Variants in SRPK2 observed in about 807,000 individuals in gnomAD.
SRPK2 encodes the protein SFRS protein kinase 2.
A neutral mutation model predicts 90.8 loss-of-function variants in SRPK2; 21 were observed. The observed-to-expected ratio is 0.23, with a 90% CI of 0.16 to 0.33. SRPK2 has a LOEUF of 0.33. Ranked by LOEUF, SRPK2 falls within the 10% of genes least tolerant of loss-of-function variation. The pLI is 1.00. For missense variants in SRPK2, 620 were observed against 869.0 expected, an observed-to-expected ratio of 0.71 and a Z score of 3.60; for synonymous variants, 288 against 311.1, an observed-to-expected ratio of 0.93 and a Z score of 0.78.
At chr7:105,244,595 G>A (rs1473808459) in intron 2 of SRPK2, 2 of 640,466 alleles carry the variant, frequency 3.1e-6, no homozygotes, top group East Asian at 5.6e-5. Context: ...AAAAATCCCA[G>A]AGTTCCACGC....
intron 2 of SRPK2, among the ~76,000 whole-genome samples, chr7:105,331,870 G>A (rs767806358): frequency 6.6e-6 from 1 of 152,082 alleles, no homozygotes; most frequent in Non-Finnish European, 1.5e-5. Flanking sequence ...GGAAGAACTC[G>A]CACCTTGGCC....
At chr7:105,307,691 G>A (rs1011165195) in intron 2 of SRPK2, among the ~76,000 whole-genome samples, 2 of 152,206 alleles carry the variant, frequency 1.3e-5, no homozygotes, top group Non-Finnish European at 1.5e-5. Context: ...TATGTTAAAA[G>A]TGTATAAGTG....
chr7:105,391,516 T>A (rs1379928677), upstream of SRPK2, among the ~76,000 whole-genome samples: 1 of 152,104 alleles, frequency 6.6e-6, no homozygotes, highest in African/African-American at 2.4e-5. Flanking sequence ...AAAATTTTTG[T>A]AATGGAAAAT....
intron 2 of SRPK2, among the ~76,000 whole-genome samples, chr7:105,371,331 A>T (rs1339046172): frequency 2.6e-5 from 4 of 152,200 alleles, no homozygotes; most frequent in Non-Finnish European, 4.4e-5. Flanking sequence ...CAAGTTAGTC[A>T]TTAAATTCTG....
intron 2 of SRPK2, among the ~76,000 whole-genome samples, chr7:105,385,391 T>C (rs1821452145): frequency 6.6e-6 from 1 of 151,132 alleles, no homozygotes; most frequent in South Asian, 2.1e-4. Flanking sequence ...TTAGCCAGGA[T>C]GGTCTTGATC....
intron 3 of SRPK2, among the ~76,000 whole-genome samples, chr7:105,198,028 G>A (rs1795129592): frequency 6.6e-6 from 1 of 152,188 alleles, no homozygotes; most frequent in Non-Finnish European, 1.5e-5. Flanking sequence ...AGGAACATAA[G>A]GTAGTTCAAA....
intron 2 of SRPK2, chr7:105,244,761 C>A (rs1585329551): frequency 9.9e-7 from 1 of 1,006,164 alleles, no homozygotes. Flanking sequence ...ACCAAACACA[C>A]CAAGTTTGTG....
At chr7:105,378,533 G>C (rs776010929) in intron 2 of SRPK2, among the ~76,000 whole-genome samples, 49 of 152,090 alleles carry the variant, frequency 3.2e-4, no homozygotes, top group Non-Finnish European at 5.4e-4. Context: ...GGGAGGCCGA[G>C]GTGGGCAGAT....
chr7:105,337,672 G>A (rs1209895467), intron 2 of SRPK2, among the ~76,000 whole-genome samples: 1 of 152,036 alleles, frequency 6.6e-6, no homozygotes, highest in Non-Finnish European at 1.5e-5. Context: ...ACTCTCCTAA[G>A]CGCGATGGCA....
At chr7:105,354,779 G>A (rs893674125) in intron 2 of SRPK2, among the ~76,000 whole-genome samples, 1 of 152,038 alleles carries the variant, frequency 6.6e-6, no homozygotes, top group Non-Finnish European at 1.5e-5. Flanking sequence ...CAATTAAAGT[G>A]CACAACTTAA....
chr7:105,126,059 T>G (rs1033287244), intron 15 of SRPK2, among the ~76,000 whole-genome samples, 189 bp downstream of exon 15: 4 of 152,188 alleles, frequency 2.6e-5, no homozygotes, highest in Admixed American at 2.6e-4. Flanking sequence ...GAGGGGCTGG[T>G]GAACAGGGTG....
At chr7:105,140,962 TA>T (rs1052582352) in intron 11 of SRPK2, among the ~76,000 whole-genome samples, 92 of 141,456 alleles carry the variant, frequency 6.5e-4, no homozygotes, top group South Asian at 8.9e-4. Context: ...CTCAATCTCA[TA>T]AAAAAAAAAA....
In SRPK2 at chr7:105,217,845, T is replaced by C. The variant is rs563966251; in HGVS notation, c.72-14060A>G. Among the ~76,000 whole-genome samples the C allele has an allele frequency of 1.4e-4, 22 of 152,336 alleles. No individual in the cohort carries two copies. The South Asian group carries it at 4.3e-3, about 30-fold the overall frequency. ...CAAGGCAGAACGTAGCTTGATAACA[T>C]TACTTCTTTAATTAACTCAAGGCAT... On this transcript the variant is annotated intron_variant, in intron 2 of 15. Transcript: ENST00000393651.
chr7:105,285,215 A>C (rs527702658), intron 2 of SRPK2, among the ~76,000 whole-genome samples: 2 of 151,956 alleles, frequency 1.3e-5, no homozygotes, highest in South Asian at 2.1e-4. Context: ...GCGAAACCCT[A>C]TCTCTACAAA....
chr7:105,147,590 T>G (rs1804841579), intron 7 of SRPK2, among the ~76,000 whole-genome samples: 1 of 152,174 alleles, frequency 6.6e-6, no homozygotes, highest in Admixed American at 6.5e-5. Context: ...GTACTGGGAT[T>G]ACAGGCGTGA....
chr7:105,235,823 T>G (rs1373901922), intron 2 of SRPK2, among the ~76,000 whole-genome samples: 1 of 152,208 alleles, frequency 6.6e-6, no homozygotes, highest in Non-Finnish European at 1.5e-5. Context: ...AAAGAATTAT[T>G]AGCTATTCAA....
At chr7:105,382,975 G>A (rs572759406) in intron 2 of SRPK2, among the ~76,000 whole-genome samples, 2 of 148,902 alleles carry the variant, frequency 1.3e-5, no homozygotes, top group South Asian at 2.2e-4. Context: ...CGTCAGGGAA[G>A]TTGAATAAAG....
At chr7:105,170,963 G>GA (rs879406968) in intron 3 of SRPK2, among the ~76,000 whole-genome samples, 2 of 29,780 alleles carry the variant, frequency 6.7e-5, no homozygotes, top group Non-Finnish European at 1.8e-4. Flanking sequence ...AAGAAAGAAA[G>GA]AAAGAGAAAG....
chr7:105,191,712 T>C (rs1409752210), intron 3 of SRPK2, among the ~76,000 whole-genome samples: 2 of 152,058 alleles, frequency 1.3e-5, no homozygotes, highest in African/African-American at 4.8e-5. Flanking sequence ...TGTTGAATAA[T>C]AAAGACGGTA....
Sources: allele counts gnomAD v4.1 joint callset (sites outside exome capture counted in the v4.1 genomes callset), GRCh38; gene constraint gnomAD v4.1.1; transcripts MANE v1.5; gene names NCBI Gene and HGNC (gene_info 2026-07-23, HGNC 2026-07-21).